KANSL1L: variants seen among roughly 807,000 people sequenced by gnomAD.
The protein encoded by KANSL1L is KAT8 regulatory NSL complex subunit 1 like.
A neutral mutation model predicts 108.6 loss-of-function variants in KANSL1L; 25 were observed. That is an observed-to-expected ratio of 0.23 (90% CI 0.17 to 0.32). KANSL1L has a LOEUF of 0.32. KANSL1L is among the 10% of genes least tolerant of loss of function. KANSL1L has a pLI of 1.00. For missense variants in KANSL1L, 1,137 were observed against 1,125.7 expected, an observed-to-expected ratio of 1.01 and a Z score of -0.14; for synonymous variants, 405 against 395.1, an observed-to-expected ratio of 1.03 and a Z score of -0.30.
intron 2 of KANSL1L, among the ~76,000 whole-genome samples, chr2:210,150,203 T>C (rs181900117): frequency 9.9e-5 from 15 of 152,228 alleles, no homozygotes; most frequent in East Asian, 1.9e-4. Flanking sequence ...TAGCTGATTA[T>C]GGGAAAAAGA....
chr2:210,111,254 G>C (rs1359411835), intron 3 of KANSL1L, among the ~76,000 whole-genome samples: 2 of 151,140 alleles, frequency 1.3e-5, no homozygotes, highest in Non-Finnish European at 2.9e-5. Context: ...CCATGACCTA[G>C]GAAACAGATA....
chr2:210,130,107 C>T (rs146329583), intron 2 of KANSL1L, among the ~76,000 whole-genome samples: 16 of 152,166 alleles, frequency 1.1e-4, no homozygotes, highest in Non-Finnish European at 2.2e-4. Flanking sequence ...TGTCAAAACC[C>T]GCTGACTGTA....
intron 8 of KANSL1L, among the ~76,000 whole-genome samples, chr2:210,033,455 G>A (rs746082519): frequency 7.9e-5 from 12 of 152,084 alleles, no homozygotes; most frequent in Non-Finnish European, 1.5e-4. Context: ...GACAATTAAC[G>A]TTTCTCTTAT....
chr2:210,090,582 G>T (rs989049415), intron 5 of KANSL1L, among the ~76,000 whole-genome samples: 24 of 152,262 alleles, frequency 1.6e-4, no homozygotes, highest in African/African-American at 5.5e-4. Flanking sequence ...CTGTCACCAA[G>T]GCTGGAGGGC....
intron 1 of KANSL1L, chr2:210,170,129 GAA>G (rs1397642097): frequency 3.3e-5 from 5 of 152,474 alleles, no homozygotes; most frequent in African/African-American, 1.2e-4. Flanking sequence ...TTCCTAGTCA[GAA>G]ATTGCCAGTT....
chr2:210,143,445 C>T (rs528247802), intron 2 of KANSL1L, among the ~76,000 whole-genome samples: 3 of 152,174 alleles, frequency 2.0e-5, no homozygotes, highest in South Asian at 2.1e-4. Context: ...CATTTATATC[C>T]GAGGCAATTG....
chr2:210,119,248 T>C (rs1398102833), intron 3 of KANSL1L, among the ~76,000 whole-genome samples: 1 of 152,104 alleles, frequency 6.6e-6, no homozygotes, highest in Non-Finnish European at 1.5e-5. Context: ...TGCTGAATTT[T>C]ACCAAACACT....
intron 1 of KANSL1L, among the ~76,000 whole-genome samples, chr2:210,169,576 T>G (rs1300119715): frequency 6.6e-6 from 1 of 152,212 alleles, no homozygotes; most frequent in Non-Finnish European, 1.5e-5. Flanking sequence ...AGGCGCATCA[T>G]GAAACAAAAT....
intron 5 of KANSL1L, among the ~76,000 whole-genome samples, chr2:210,090,315 T>C (rs114813776): frequency 0.017 from 2,563 of 152,254 alleles, 78 homozygotes; most frequent in African/African-American, 0.059. Context: ...CAGTGATCTG[T>C]TGAGTAGCAT....
Position 210,079,398 on chromosome 2 carries a change from C to A in KANSL1L, c.1551-3642G>T, listed in dbSNP as rs1321588339. Among the ~76,000 whole-genome samples, 4 of 151,238 alleles carry A rather than the reference C, an allele frequency of 2.6e-5. No homozygotes were observed. The East Asian group carries it at 7.8e-4, about 29-fold the overall frequency. ...ATCACTTGAGGTCAGGAGTTCGAGACCAGCCTGGCCAACATAATTAAACCC... is the reference window on the plus strand; with the variant it reads ...ATCACTTGAGGTCAGGAGTTCGAGAACAGCCTGGCCAACATAATTAAACCC... On this transcript the variant is annotated intron_variant, in intron 5 of 14. Transcript: ENST00000281772.
intron 5 of KANSL1L, among the ~76,000 whole-genome samples, chr2:210,079,010 GA>G (rs2094561816): frequency 6.6e-6 from 1 of 152,020 alleles, no homozygotes; most frequent in South Asian, 2.1e-4. Flanking sequence ...GAAGGCAGTA[GA>G]ACAATTGTAG....
At chr2:210,058,117 G>A (rs976940550) in intron 6 of KANSL1L, among the ~76,000 whole-genome samples, 3 of 152,160 alleles carry the variant, frequency 2.0e-5, no homozygotes, top group Non-Finnish European at 4.4e-5. Context: ...GAGAAATATC[G>A]CTGAATTCTT....
At chr2:210,028,010 AC>A (rs1181130875) in intron 11 of KANSL1L, among the ~76,000 whole-genome samples, 3 of 152,082 alleles carry the variant, frequency 2.0e-5, no homozygotes, top group African/African-American at 7.2e-5. Flanking sequence ...ATTGTCACCC[AC>A]CTGTCTCTGT....
chr2:210,040,623 T>G (rs1251426071), intron 7 of KANSL1L, 96 bp from the exon 8 acceptor site: 11 of 548,494 alleles, frequency 2.0e-5, no homozygotes, highest in Non-Finnish European at 3.2e-5. Flanking sequence ...TTTCTATAAA[T>G]AGCACATAAG....
chr2:210,045,290 ATTCTT>A (rs59158560), intron 6 of KANSL1L, among the ~76,000 whole-genome samples: 2,464 of 152,028 alleles, frequency 0.016, 72 homozygotes, highest in African/African-American at 0.056. Flanking sequence ...TAATTTATTT[ATTCTT>A]TTATTTTCTT....
At chr2:210,169,080 C>A (rs1688171142) in intron 1 of KANSL1L, among the ~76,000 whole-genome samples, 1 of 152,072 alleles carries the variant, frequency 6.6e-6, no homozygotes, top group Admixed American at 6.5e-5. Context: ...GGGAGGCACA[C>A]ACATACCACT....
At chr2:210,155,989 A>G (rs1213952438) in intron 1 of KANSL1L, among the ~76,000 whole-genome samples, 1 of 152,152 alleles carries the variant, frequency 6.6e-6, no homozygotes, top group East Asian at 1.9e-4. Flanking sequence ...AAAGCACAAC[A>G]ATTTCTATGT....
chr2:210,073,646 G>A (rs926708438), intron 6 of KANSL1L, among the ~76,000 whole-genome samples: 1 of 152,048 alleles, frequency 6.6e-6, no homozygotes, highest in Non-Finnish European at 1.5e-5. Context: ...GATTTATAGA[G>A]CATTTGAATC....
chr2:210,076,122 T>C (rs568537847), intron 5 of KANSL1L, among the ~76,000 whole-genome samples: 27 of 152,312 alleles, frequency 1.8e-4, no homozygotes, highest in African/African-American at 5.5e-4. Flanking sequence ...ATACATAGAT[T>C]ACAGGTTTTT....
Sources: allele counts gnomAD v4.1 joint callset (sites outside exome capture counted in the v4.1 genomes callset), GRCh38; gene constraint gnomAD v4.1.1; transcripts MANE v1.5; gene names NCBI Gene and HGNC (gene_info 2026-07-23, HGNC 2026-07-21).